Variants in KCNA6 observed in about 807,000 individuals in gnomAD.
KCNA6 encodes potassium voltage-gated channel subfamily A member 6.
KCNA6 carries 17 observed loss-of-function variants against 29.5 expected under a neutral mutation model. That is an observed-to-expected ratio of 0.58 (90% CI 0.39 to 0.86). The LOEUF (loss-of-function observed/expected upper bound fraction) is 0.86, where lower values mean the gene tolerates loss of function less well. KCNA6 is among the 40% of genes least tolerant of loss of function. The probability of loss-of-function intolerance (pLI) is 0.00; values close to 1 mark genes in which losing one functional copy is unlikely to be tolerated. For synonymous variants in KCNA6, 296 were observed against 304.7 expected, an observed-to-expected ratio of 0.97 and a Z score of 0.30; for missense variants, 450 against 703.4, an observed-to-expected ratio of 0.64 and a Z score of 4.07.
downstream of KCNA6, among the ~76,000 whole-genome samples, chr12:4,815,632 A>G (rs927267167): frequency 6.6e-6 from 1 of 152,210 alleles, no homozygotes; most frequent in African/African-American, 2.4e-5. Context: ...GTTAGCCTGG[A>G]AAAAGCCTTA....
At chr12:4,829,089 C>G in the KCNA6 span, among the ~76,000 whole-genome samples, 1 of 152,100 alleles carries the variant, frequency 6.6e-6, no homozygotes. Context: ...AAAGCCTGAA[C>G]AATCTATTGA....
At chr12:4,840,678 T>A in the KCNA6 span, among the ~76,000 whole-genome samples, 1 of 152,222 alleles carries the variant, frequency 6.6e-6, no homozygotes, top group Non-Finnish European at 1.5e-5. Context: ...ACTGAGATGG[T>A]CAGTGGTACA....
chr12:4,827,208 C>CCTTCCTTCCTTCCTT, the KCNA6 span, among the ~76,000 whole-genome samples: 2 of 140,540 alleles, frequency 1.4e-5, no homozygotes, highest in African/African-American at 5.4e-5. Context: ...TTCCTTCCCT[C>CCTTCCTTCCTTCCTT]CTTCCTTCCT....
the KCNA6 span, among the ~76,000 whole-genome samples, chr12:4,825,949 A>C: frequency 6.6e-6 from 1 of 152,362 alleles, no homozygotes; most frequent in African/African-American, 2.4e-5. Context: ...TTTCTAACTA[A>C]AACCTTTTGA....
chr12:4,837,756 A>T, the KCNA6 span, among the ~76,000 whole-genome samples: 2 of 152,016 alleles, frequency 1.3e-5, no homozygotes, highest in Admixed American at 6.6e-5. Context: ...TCTGTGGACA[A>T]TGCAACCCTT....
At chr12:4,823,416 C>G in the KCNA6 span, among the ~76,000 whole-genome samples, 754 of 146,352 alleles carry the variant, frequency 5.2e-3, 4 homozygotes, top group African/African-American at 0.018. Flanking sequence ...GGAAAAAAAG[C>G]TTTTTTTTTT....
At chr12:4,849,833 C>G in the KCNA6 span, among the ~76,000 whole-genome samples, 1 of 152,248 alleles carries the variant, frequency 6.6e-6, no homozygotes, top group Non-Finnish European at 1.5e-5. Flanking sequence ...AGCAGTTTCA[C>G]AAACACCTTG....
At chr12:4,841,501 G>T in the KCNA6 span, among the ~76,000 whole-genome samples, 1 of 152,166 alleles carries the variant, frequency 6.6e-6, no homozygotes, top group Non-Finnish European at 1.5e-5. Context: ...TCTATCAGAT[G>T]TTCAGTGGAA....
At chr12:4,841,090 G>C in the KCNA6 span, among the ~76,000 whole-genome samples, 43 of 152,296 alleles carry the variant, frequency 2.8e-4, no homozygotes, top group East Asian at 7.7e-3. Flanking sequence ...ATTAATACTG[G>C]ATTATCAGTC....
At chr12:4,849,005 G>A in the KCNA6 span, among the ~76,000 whole-genome samples, 5 of 141,986 alleles carry the variant, frequency 3.5e-5, no homozygotes, top group East Asian at 1.0e-3. Context: ...CTGTAATCCC[G>A]GCTACTCGGG....
At chr12:4,835,429 T>C in the KCNA6 span, among the ~76,000 whole-genome samples, 9 of 152,302 alleles carry the variant, frequency 5.9e-5, no homozygotes, top group Non-Finnish European at 1.2e-4. Flanking sequence ...CCACCACACC[T>C]GGCCAAGAAT....
chr12:4,837,122 G>A, the KCNA6 span, among the ~76,000 whole-genome samples: 6 of 152,166 alleles, frequency 3.9e-5, no homozygotes, highest in Non-Finnish European at 8.8e-5. Flanking sequence ...TCAATGGCCA[G>A]TGGTTAAATC....
the KCNA6 span, among the ~76,000 whole-genome samples, chr12:4,840,229 ATC>A: frequency 7.2e-5 from 4 of 55,386 alleles, no homozygotes; most frequent in Admixed American, 1.9e-4. Flanking sequence ...CTATCTATCT[ATC>A]TATCTATCTA....
At chr12:4,831,052 T>G in the KCNA6 span, among the ~76,000 whole-genome samples, 1 of 152,210 alleles carries the variant, frequency 6.6e-6, no homozygotes, top group African/African-American at 2.4e-5. Flanking sequence ...GCGCTGACTT[T>G]CAGGAAAGGT....
chr12:4,834,518 G>A, the KCNA6 span, among the ~76,000 whole-genome samples: 1 of 152,194 alleles, frequency 6.6e-6, no homozygotes, highest in Non-Finnish European at 1.5e-5. Flanking sequence ...GAAGTACAAT[G>A]GTGGTAAATG....
At chr12:4,827,198 T>TTCC in the KCNA6 span, among the ~76,000 whole-genome samples, 59 of 76,992 alleles carry the variant, frequency 7.7e-4, no homozygotes, top group Non-Finnish European at 1.3e-3. Context: ...CCTTCCTTCC[T>TTCC]TCCTTCCCTC....
At chr12:4,837,690 C>T in the KCNA6 span, among the ~76,000 whole-genome samples, 11 of 151,930 alleles carry the variant, frequency 7.2e-5, no homozygotes, top group East Asian at 1.9e-4. Flanking sequence ...TACTCACAGA[C>T]GCATATGGAA....
Position 4,811,057 on chromosome 12 carries a change from C to A in KCNA6, c.1016C>A (p.Ala339Asp), listed in dbSNP as rs1259581011. 1.2e-6 allele frequency: 2 copies of A among 1,614,176 alleles called. No homozygotes were observed. The highest frequency in any genetic ancestry group is 2.2e-5 in the East Asian group (1 of 44,864). ...AATGGGCAGCAGGCCATGTCCCTGG[C>A]CATCCTCCGAGTCATCCGCCTGGTC... The change falls in exon 1 of 1, where the codon GCC becomes GAC. Residue 339 changes from alanine (A) to aspartate (D), a missense_variant. Around this residue, in one of 7 missense-constraint regions of KCNA6, gnomAD observed 12 missense variants for 64.4 expected, o/e 0.19. Coordinates refer to ENST00000280684, the Ensembl canonical transcript of KCNA6. The surrounding 1 kb of genome is among the most constrained non-coding windows in gnomAD (Gnocchi z 7.1).
chr12:4,817,961 C>T (rs562057888), downstream of KCNA6, among the ~76,000 whole-genome samples: 61 of 152,336 alleles, frequency 4.0e-4, no homozygotes, highest in African/African-American at 1.3e-3. Context: ...ATTGCAGCCA[C>T]GCAGTCTGCT....
Sources: allele counts gnomAD v4.1 joint callset (sites outside exome capture counted in the v4.1 genomes callset), GRCh38; gene constraint gnomAD v4.1.1; regional missense constraint gnomAD v4.1.1; non-coding constraint Gnocchi (gnomAD v3.1); transcripts MANE v1.5; gene names NCBI Gene and HGNC (gene_info 2026-07-23, HGNC 2026-07-21).